The following PIP5K1C variants were observed in gnomAD, a reference collection of about 807,000 sequenced individuals.
PIP5K1C encodes phosphatidylinositol-4-phosphate 5-kinase type 1 gamma, also known as phosphatidylinositol 4-phosphate 5-kinase type-1 gamma.
Under a neutral mutation model 80.1 loss-of-function variants are expected in PIP5K1C, and 45 were observed. The ratio of observed to expected loss-of-function variants is 0.56; its 90% CI spans 0.44 to 0.72. The LOEUF (loss-of-function observed/expected upper bound fraction) is 0.72. Among genes scored for constraint, PIP5K1C ranks in the 30% least tolerant of loss-of-function variants. The pLI is 0.00. For missense variants in PIP5K1C, 753 were observed against 954.6 expected (o/e 0.79, Z 2.78); for synonymous variants, 498 against 420.1 (o/e 1.19, Z -2.27).
intron 1 of PIP5K1C, among the ~76,000 whole-genome samples, chr19:3,680,041 C>T (rs997412821): frequency 2.6e-5 from 4 of 152,312 alleles, no homozygotes; most frequent in South Asian, 4.1e-4. Context: ...CTCGGGGGGA[C>T]GTGGCAAAGG....
chr19:3,679,375 C>G (rs1275676492), intron 1 of PIP5K1C, among the ~76,000 whole-genome samples: 1 of 152,182 alleles, frequency 6.6e-6, no homozygotes, highest in East Asian at 1.9e-4. Flanking sequence ...TTGGCCGGCT[C>G]CTGTCCTCCC....
At position 3,683,781 on chromosome 19, in the gene PIP5K1C, G is replaced by GCAGGA. The variant is rs1239822903; in HGVS notation, c.95-16433_95-16429dup. Among the ~76,000 whole-genome samples, 97 of 152,260 alleles carry GCAGGA rather than the reference G, an allele frequency of 6.4e-4. 1 individual carries two copies. The highest frequency in any genetic ancestry group is 2.3e-3 in the African/African-American group (94 of 41,550). ...GCACAGCCAGTACGGAGGCCCCGGG[G>GCAGGA]CAGGACCGTGTCTGGAGAGCTGGGA... is the stretch of plus-strand genomic sequence containing the variant. On this transcript the variant is annotated intron_variant, in intron 1 of 17. Coordinates refer to ENST00000335312, the MANE Select transcript of PIP5K1C (RefSeq NM_012398.3).
chr19:3,647,466 C>A, intron 9 of PIP5K1C, 80 bp from the exon 10 acceptor site: 1 of 1,185,184 alleles, frequency 8.4e-7, no homozygotes, highest in Non-Finnish European at 1.2e-6. Context: ...CCACTGTGCA[C>A]CCCCCAGGAC....
chr19:3,690,329 T>A (rs931058867), intron 1 of PIP5K1C, among the ~76,000 whole-genome samples: 4 of 151,798 alleles, frequency 2.6e-5, no homozygotes, highest in African/African-American at 9.7e-5. Context: ...AGACCCTGTC[T>A]CCATAAAAGA....
At chr19:3,690,470 G>A (rs570317116) in intron 1 of PIP5K1C, among the ~76,000 whole-genome samples, 62 of 146,922 alleles carry the variant, frequency 4.2e-4, no homozygotes, top group African/African-American at 1.5e-3. Context: ...GTGATACAGC[G>A]AGACCCTGTC....
At chr19:3,697,002 G>A (rs2036132181) in intron 1 of PIP5K1C, among the ~76,000 whole-genome samples, 1 of 152,058 alleles carries the variant, frequency 6.6e-6, no homozygotes, top group African/African-American at 2.4e-5. Context: ...GACGGAGGAG[G>A]ATCGAGCTGG....
chr19:3,692,735 G>A lies in PIP5K1C; in HGVS notation c.94+7562C>T, dbSNP rs559606193. 2.0e-5 allele frequency among the ~76,000 whole-genome samples: 3 copies of A among 151,852 alleles called. No homozygotes were observed. The highest frequency in any genetic ancestry group is 2.1e-4 in the South Asian group (1 of 4,804). ...AGTCTCGCCCATCCCTCCTCTGCCCGCAGCCCTCCATGGCTCCCACCTCCC... is the reference window on the plus strand; with the variant it reads ...AGTCTCGCCCATCCCTCCTCTGCCCACAGCCCTCCATGGCTCCCACCTCCC... On this transcript the variant is annotated intron_variant, in intron 1 of 17. Transcript: ENST00000335312. The surrounding 1 kb of genome is among the most constrained non-coding windows in gnomAD (Gnocchi z 5.2).
chr19:3,643,429 A>T, intron 12 of PIP5K1C, 48 bp from the exon 13 acceptor site: 3 of 1,608,978 alleles, frequency 1.9e-6, no homozygotes, highest in Non-Finnish European at 2.5e-6. Context: ...CGAGCCCCCA[A>T]ACACACAGTC....
intron 4 of PIP5K1C, 104 bp from the exon 5 acceptor site, chr19:3,661,187 G>A: frequency 2.7e-6 from 2 of 743,764 alleles, no homozygotes; most frequent in Non-Finnish European, 4.6e-6. Context: ...GCCTCTAGCG[G>A]CTCAGCTCCA....
chr19:3,641,323 C>T (rs541026712), intron 15 of PIP5K1C, among the ~76,000 whole-genome samples: 31 of 152,288 alleles, frequency 2.0e-4, no homozygotes, highest in African/African-American at 6.5e-4. Context: ...TGCTCTTACA[C>T]AACCCTTAGC....
At chr19:3,698,096 T>C (rs912830612) in intron 1 of PIP5K1C, among the ~76,000 whole-genome samples, 3 of 152,268 alleles carry the variant, frequency 2.0e-5, no homozygotes, top group Non-Finnish European at 2.9e-5. Context: ...GCTCCCGCTG[T>C]AGCTGAGCTT....
chr19:3,666,386 G>T (rs1249652068), intron 2 of PIP5K1C, among the ~76,000 whole-genome samples: 1 of 152,270 alleles, frequency 6.6e-6, no homozygotes, highest in East Asian at 1.9e-4. Flanking sequence ...AAGCTGCAAA[G>T]GCAGGGCCAA....
intron 1 of PIP5K1C, chr19:3,674,077 C>G (rs944619542): frequency 6.6e-6 from 1 of 152,230 alleles, no homozygotes; most frequent in African/African-American, 2.4e-5. Context: ...ACCTGGGCCA[C>G]GACACTCAGA....
intron 1 of PIP5K1C, among the ~76,000 whole-genome samples, chr19:3,684,249 C>T (rs1473138636): frequency 6.6e-6 from 1 of 152,146 alleles, no homozygotes. Flanking sequence ...TAATTAGAGG[C>T]ATCAAGATGA....
rs2034953453 is a variant in PIP5K1C, at chr19:3,664,753, T to C, written c.219+69A>G. On this transcript the variant is annotated intron_variant, in intron 3 of 17. Coordinates refer to ENST00000335312, the MANE Select transcript of PIP5K1C (RefSeq NM_012398.3). Reference sequence around the variant, plus strand: ...CGGGGGCGATAGGCCCCATCCATGCTACCAGTGGGATCCCCCTCCCCTCTG... The same window carrying C: ...CGGGGGCGATAGGCCCCATCCATGCCACCAGTGGGATCCCCCTCCCCTCTG... 1.3e-5 allele frequency: 17 copies of C among 1,280,838 alleles called. No individual in the cohort carries two copies. The South Asian group carries it at 2.0e-4, about 15-fold the overall frequency. 79.3% of individuals were successfully genotyped at this position (1,280,838 alleles called of 1,614,324 possible).
chr19:3,689,542 G>A (rs1169373018), intron 1 of PIP5K1C, among the ~76,000 whole-genome samples: 2 of 152,120 alleles, frequency 1.3e-5, no homozygotes, highest in Non-Finnish European at 2.9e-5. Context: ...CCAGCTACTT[G>A]GGAGGCTGAG....
chr19:3,681,431 C>G (rs1022002817), intron 1 of PIP5K1C, among the ~76,000 whole-genome samples: 1 of 152,024 alleles, frequency 6.6e-6, no homozygotes, highest in African/African-American at 2.4e-5. Flanking sequence ...GGAATTTTGC[C>G]ATGTTGGCCA....
At position 3,664,800 on chromosome 19, in the gene PIP5K1C, CAGCT is replaced by C. The variant is rs771766793; in HGVS notation, c.219+18_219+21del. On this transcript the variant is annotated intron_variant, in intron 3 of 17. Coordinates refer to ENST00000335312, the MANE Select transcript of PIP5K1C (RefSeq NM_012398.3). Reference sequence around the variant, plus strand: ...TCTGCTCTGTCCCGCTCCCTCCAGCCAGCTAAGGGGAGCCGAGGAACCTTCTTGT... The same window carrying C: ...TCTGCTCTGTCCCGCTCCCTCCAGCCAAGGGGAGCCGAGGAACCTTCTTGT... 2.3e-5 allele frequency: 37 copies of C among 1,591,796 alleles called. No individual in the cohort carries two copies. The East Asian group carries it at 7.1e-4, about 31-fold the overall frequency.
chr19:3,636,586 A>G (rs2033696135), intron 16 of PIP5K1C: 5 of 985,484 alleles, frequency 5.1e-6, no homozygotes, highest in Non-Finnish European at 6.0e-6. Context: ...CCCTCTGGGC[A>G]GCTCCTGGAC....
Sources: gnomAD v4.1 joint callset for allele counts (sites outside exome capture counted in the v4.1 genomes callset) on GRCh38, gnomAD v4.1.1 for gene constraint, Gnocchi (gnomAD v3.1) non-coding constraint, MANE v1.5 for transcripts, NCBI Gene and HGNC (gene_info 2026-07-23, HGNC 2026-07-21) for gene names.